LTN1: variants seen among roughly 807,000 people sequenced by gnomAD.
LTN1 encodes the protein E3 ubiquitin-protein ligase listerin.
Under a neutral mutation model 201.2 loss-of-function variants are expected in LTN1, and 88 were observed. That is an observed-to-expected ratio of 0.44 (90% confidence interval 0.37 to 0.52). The LOEUF is 0.52. Among genes scored for constraint, LTN1 ranks in the 20% least tolerant of loss-of-function variants. LTN1 has a pLI of 0.00. For missense variants in LTN1, 1,752 were observed against 2,038.7 expected (o/e 0.86, Z 2.71); for synonymous variants, 645 against 713.5 (o/e 0.90, Z 1.53).
At position 28,960,605 on chromosome 21, in the gene LTN1, C is replaced by T. The variant is rs2084469102; in HGVS notation, c.2265G>A (p.Glu755=). 1 of 1,613,676 alleles carries T rather than the reference C, an allele frequency of 6.2e-7. No homozygotes were observed. Among genetic ancestry groups the T allele is most frequent in the African/African-American group, 1.3e-5 (1 of 74,886 alleles). Reference sequence around the variant, plus strand: ...CTGAAGATACCCTGGATTCCAAGTCCTCATTACAAAGACAATCTGCCAAGT... The same window carrying T: ...CTGAAGATACCCTGGATTCCAAGTCTTCATTACAAAGACAATCTGCCAAGT... ...LVNLADCLCN[E]DLESRVSSES... The change falls in exon 12 of 30, where the codon GAG becomes GAA. Residue 755 remains glutamate, a synonymous_variant. Transcript: ENST00000361371.
chr21:28,946,487 T>C (rs754780813), intron 19 of LTN1, among the ~76,000 whole-genome samples, 200 bp from the exon 20 acceptor site: 25 of 152,168 alleles, frequency 1.6e-4, no homozygotes, highest in Non-Finnish European at 4.4e-5. Context: ...ACCCAGCACC[T>C]AGCACACAAT....
intron 15 of LTN1, 143 bp downstream of exon 15, chr21:28,957,189 C>A: frequency 6.2e-6 from 5 of 811,422 alleles, no homozygotes; most frequent in Non-Finnish European, 9.2e-6. Context: ...AAGCAAACAT[C>A]CAGTATATGA....
At chr21:28,969,787 T>C (rs1423108343) in intron 8 of LTN1, among the ~76,000 whole-genome samples, 186 bp from the exon 9 acceptor site, 2 of 152,120 alleles carry the variant, frequency 1.3e-5, no homozygotes, top group African/African-American at 4.8e-5. Flanking sequence ...TTAAAAACTT[T>C]GAAAAAGTTT....
At chr21:28,978,184 C>T (rs2084631469) in intron 6 of LTN1, among the ~76,000 whole-genome samples, 1 of 152,078 alleles carries the variant, frequency 6.6e-6, no homozygotes, top group African/African-American at 2.4e-5. Context: ...TGTGCCACCA[C>T]ACCCAACTAA....
chr21:28,964,887 G>A, intron 11 of LTN1: 2 of 1,327,430 alleles, frequency 1.5e-6, no homozygotes, highest in Non-Finnish European at 2.0e-6. Flanking sequence ...TGGCTACAGG[G>A]AGAGAAGGCA....
Position 28,953,496 on chromosome 21 carries a change from G to A in LTN1, c.3080-120C>T, listed in dbSNP as rs1193595293. On this transcript the variant is annotated intron_variant, in intron 16 of 29. Transcript: ENST00000361371. ...TGCCCACTCATCTCAAAACTCCTAT[G>A]AACTGATTTTTCAAATCTGCTTTGA... 3 of 628,864 alleles carry A rather than the reference G, an allele frequency of 4.8e-6. No individual in the cohort carries two copies. The East Asian group carries it at 9.2e-5, about 19-fold the overall frequency. 39.0% of individuals were successfully genotyped at this position (628,864 alleles called of 1,614,324 possible). A position where few individuals can be genotyped will look rare whatever the true frequency, so the allele number is the denominator to read the frequency against.
rs546721656 is a variant in LTN1 at position 28,937,891 on chromosome 21, C to T, written c.4483-1194G>A. Among the ~76,000 whole-genome samples the T allele has an allele frequency of 8.5e-5, 13 of 152,200 alleles. No individual in the cohort carries two copies. The South Asian group carries it at 2.7e-3, about 32-fold the overall frequency. On this transcript the variant is annotated intron_variant, in intron 25 of 29. Transcript: ENST00000361371. ...CTCAACCTGTAAAAGAACACAATGA[C>T]ATTATATGGCTCCTGAGGTAAGACA...
At chr21:28,947,112 A>G (rs890812983) in intron 19 of LTN1, among the ~76,000 whole-genome samples, 2 of 152,236 alleles carry the variant, frequency 1.3e-5, no homozygotes, top group Non-Finnish European at 2.9e-5. Flanking sequence ...TGTTTATTAA[A>G]TTAATAAACA....
chr21:28,937,624 C>T (rs1263728314), intron 25 of LTN1, among the ~76,000 whole-genome samples: 1 of 152,142 alleles, frequency 6.6e-6, no homozygotes, highest in African/African-American at 2.4e-5. Context: ...GTGCTCTTAT[C>T]ATCAAACTTA....
intron 1 of LTN1, among the ~76,000 whole-genome samples, chr21:28,989,977 CAAA>C (rs553071507): frequency 8.1e-6 from 1 of 123,138 alleles, no homozygotes. Context: ...GACTCTGTCT[CAAA>C]AAAAAAAAAA....
chr21:28,934,449 G>A (rs764776736), intron 27 of LTN1, among the ~76,000 whole-genome samples: 3 of 152,042 alleles, frequency 2.0e-5, no homozygotes, highest in East Asian at 1.9e-4. Flanking sequence ...TGCTAGTCTC[G>A]TGATAGTGAG....
At chr21:28,960,092 C>T (rs553253074) in intron 12 of LTN1, among the ~76,000 whole-genome samples, 5 of 152,102 alleles carry the variant, frequency 3.3e-5, no homozygotes, top group African/African-American at 4.8e-5. Context: ...ATGAGCTGGG[C>T]GCAGCGGCTC....
intron 6 of LTN1, among the ~76,000 whole-genome samples, chr21:28,975,916 A>T (rs1374639971): frequency 1.3e-5 from 2 of 152,218 alleles, no homozygotes; most frequent in Non-Finnish European, 2.9e-5. Flanking sequence ...AATAAAATGG[A>T]CTGCTGATAT....
At chr21:28,963,166 G>A (rs1462001948) in intron 11 of LTN1, among the ~76,000 whole-genome samples, 1 of 152,200 alleles carries the variant, frequency 6.6e-6, no homozygotes, top group African/African-American at 2.4e-5. Flanking sequence ...AATAATGAAG[G>A]TGGCTACACT....
chr21:28,939,810 A>G (rs1432184500), intron 25 of LTN1, among the ~76,000 whole-genome samples: 2 of 152,236 alleles, frequency 1.3e-5, no homozygotes, highest in Non-Finnish European at 2.9e-5. Flanking sequence ...AAATTGATGT[A>G]AAAGCCAAAT....
At chr21:28,958,648 A>T (rs1395427987) in intron 13 of LTN1, 109 bp from the exon 14 acceptor site, 14 of 753,946 alleles carry the variant, frequency 1.9e-5, no homozygotes, top group Non-Finnish European at 2.5e-5. Flanking sequence ...AATACCATTT[A>T]AAAAAGAAAA....
intron 27 of LTN1, among the ~76,000 whole-genome samples, chr21:28,934,761 C>A (rs1195091759): frequency 6.6e-6 from 1 of 152,060 alleles, no homozygotes; most frequent in Non-Finnish European, 1.5e-5. Flanking sequence ...CCGGCCTAAA[C>A]CTCTTTTCTT....
At chr21:28,969,630 C>T in intron 8 of LTN1, 29 bp from the exon 9 acceptor site, 4 of 1,534,462 alleles carry the variant, frequency 2.6e-6, no homozygotes, top group Non-Finnish European at 3.5e-6. Context: ...CTGGATTACT[C>T]TTTCATGAAG....
intron 1 of LTN1, among the ~76,000 whole-genome samples, chr21:28,988,156 A>AAC (rs2084714394): frequency 9.8e-6 from 1 of 101,532 alleles, no homozygotes; most frequent in Non-Finnish European, 2.1e-5. Flanking sequence ...AAAAAAAAAA[A>AAC]CAACAAAAAA....
Sources: allele counts gnomAD v4.1 joint callset (sites outside exome capture counted in the v4.1 genomes callset), GRCh38; gene constraint gnomAD v4.1.1; transcripts MANE v1.5; gene names NCBI Gene and HGNC (gene_info 2026-07-23, HGNC 2026-07-21).